LDLRAD4: variants seen among roughly 807,000 people sequenced by gnomAD.
The protein encoded by LDLRAD4 is low density lipoprotein receptor class A domain containing 4, also known as low-density lipoprotein receptor class A domain-containing protein 4.
A neutral mutation model predicts 17.0 loss-of-function variants in LDLRAD4; 5 were observed. The ratio of observed to expected loss-of-function variants is 0.29; its 90% CI spans 0.15 to 0.62. The LOEUF (loss-of-function observed/expected upper bound fraction) is 0.62, where lower values mean the gene tolerates loss of function less well. Among genes scored for constraint, LDLRAD4 ranks in the 20% least tolerant of loss-of-function variants. The pLI is 0.84. For missense variants in LDLRAD4, 340 were observed against 424.7 expected (o/e 0.80, Z 1.75); for synonymous variants, 168 against 171.8 (o/e 0.98, Z 0.17).
chr18:13,331,575 CTG>C (rs1158895067), intron 1 of LDLRAD4, among the ~76,000 whole-genome samples: 1 of 152,184 alleles, frequency 6.6e-6, no homozygotes, highest in Non-Finnish European at 1.5e-5. Flanking sequence ...AGTTTTGCAT[CTG>C]GTGTTTATTA....
At chr18:13,234,693 C>G (rs1404999773) in intron 1 of LDLRAD4, among the ~76,000 whole-genome samples, 2 of 152,176 alleles carry the variant, frequency 1.3e-5, no homozygotes, top group Non-Finnish European at 2.9e-5. Context: ...GTATGAGCAG[C>G]AGTGAGAGAG....
chr18:13,454,980 G>A (rs151126402), intron 3 of LDLRAD4, among the ~76,000 whole-genome samples: 3 of 152,382 alleles, frequency 2.0e-5, no homozygotes, highest in African/African-American at 7.2e-5. Flanking sequence ...CGCGTTTGTT[G>A]AGTGGATGAT....
intron 3 of LDLRAD4, chr18:13,612,928 A>G: frequency 1.3e-6 from 1 of 764,750 alleles, no homozygotes; most frequent in Non-Finnish European, 2.1e-6. Flanking sequence ...AACTCAGAAC[A>G]TTTCCGGGTG....
intron 1 of LDLRAD4, among the ~76,000 whole-genome samples, chr18:13,369,828 G>A (rs570215114): frequency 2.6e-5 from 4 of 152,232 alleles, no homozygotes; most frequent in African/African-American, 9.6e-5. Flanking sequence ...GTGGGCTTAC[G>A]CACACAGATA....
At chr18:13,452,879 G>A (rs1336848151) in intron 3 of LDLRAD4, among the ~76,000 whole-genome samples, 1 of 152,156 alleles carries the variant, frequency 6.6e-6, no homozygotes, top group Non-Finnish European at 1.5e-5. Flanking sequence ...CAGCCTGAGG[G>A]GTGACCCCCA....
chr18:13,614,890 TGAG>T (rs956426506), intron 3 of LDLRAD4: 7 of 152,286 alleles, frequency 4.6e-5, no homozygotes, highest in African/African-American at 1.7e-4. Flanking sequence ...CCGTCTCTGC[TGAG>T]GAGGACAGAG....
intron 2 of LDLRAD4, among the ~76,000 whole-genome samples, chr18:13,413,913 A>AT (rs1344542039): frequency 4.0e-5 from 6 of 150,500 alleles, no homozygotes; most frequent in African/African-American, 1.2e-4. Context: ...AAAAAAAAAA[A>AT]TTTTTTTTTA....
chr18:13,641,824 T>G (rs1366959223), intron 4 of LDLRAD4: 18 of 985,420 alleles, frequency 1.8e-5, no homozygotes, highest in Non-Finnish European at 2.2e-5. Context: ...GGTTTGCTGG[T>G]TTTTCGGGAA....
intron 1 of LDLRAD4, among the ~76,000 whole-genome samples, chr18:13,253,088 G>C (rs1248034307): frequency 6.6e-6 from 1 of 152,218 alleles, no homozygotes; most frequent in East Asian, 1.9e-4. Flanking sequence ...GTGATATTCT[G>C]CAGATACAAA....
chr18:13,620,880 T>C, intron 3 of LDLRAD4: 1 of 580,908 alleles, frequency 1.7e-6, no homozygotes, highest in Non-Finnish European at 3.1e-6. Context: ...CAGCTCCCTG[T>C]GGTGGGGGAT....
In LDLRAD4 at chr18:13,528,294, CA is replaced by C. The variant is rs549933927; in HGVS notation, c.181+89911del. 1.1e-4 allele frequency among the ~76,000 whole-genome samples: 17 copies of C among 152,358 alleles called. No homozygotes were observed. The South Asian group carries it at 3.5e-3, about 32-fold the overall frequency. On this transcript the variant is annotated intron_variant, in intron 3 of 5. Transcript: ENST00000359446. ...ACCTGCGTTACCCTGTTAGTCCTCA[CA>C]GCAGAATTGAGCACCATTATTACTA...
chr18:13,482,389 G>A (rs1402710416), intron 3 of LDLRAD4, among the ~76,000 whole-genome samples: 2 of 152,306 alleles, frequency 1.3e-5, no homozygotes, highest in South Asian at 2.1e-4. Context: ...AAACCCCACC[G>A]TCCCACCTTC....
chr18:13,643,389 G>C, exon 5 of LDLRAD4: 1 of 1,294,710 alleles, frequency 7.7e-7, no homozygotes, highest in Admixed American at 3.2e-5. Flanking sequence ...AGACAGCGCC[G>C]CACCGCGGCT....
intron 3 of LDLRAD4, among the ~76,000 whole-genome samples, chr18:13,583,972 G>T (rs751288627): frequency 1.3e-5 from 2 of 152,046 alleles, no homozygotes; most frequent in Non-Finnish European, 2.9e-5. Flanking sequence ...TCCCATCTCC[G>T]CAGCCTCAGC....
chr18:13,346,706 G>A (rs2082712427), intron 1 of LDLRAD4, among the ~76,000 whole-genome samples: 2 of 152,172 alleles, frequency 1.3e-5, no homozygotes, highest in Non-Finnish European at 2.9e-5. Context: ...TATTGTGTGG[G>A]AGTCTAAGTC....
At chr18:13,347,432 G>A (rs111332931) in intron 1 of LDLRAD4, among the ~76,000 whole-genome samples, 7 of 152,188 alleles carry the variant, frequency 4.6e-5, no homozygotes. Flanking sequence ...AGTTTCTGCC[G>A]AGAGATCAGC....
At position 13,641,405 on chromosome 18, in the gene LDLRAD4, G is replaced by A. The variant is rs181446144; in HGVS notation, c.337-1954G>A. 4.0e-3 allele frequency among the ~76,000 whole-genome samples: 617 copies of A among 152,356 alleles called. 3 individuals carry two copies. The highest frequency in any genetic ancestry group is 4.6e-3 in the Non-Finnish European group (315 of 68,026). On this transcript the variant is annotated intron_variant, in intron 4 of 5. Coordinates refer to ENST00000359446, the Ensembl canonical transcript of LDLRAD4. The stretch of plus-strand genomic sequence containing the variant: ...CAAATGGATAGAGATAGATTAGAAG[G>A]ATAGATGGATAGATTAGATGGATGA...
chr18:13,400,772 C>T (rs563152349), intron 2 of LDLRAD4, among the ~76,000 whole-genome samples: 2 of 152,076 alleles, frequency 1.3e-5, no homozygotes, highest in Non-Finnish European at 2.9e-5. Context: ...GAGGAAAGGA[C>T]GTGGTTCACT....
intron 3 of LDLRAD4, among the ~76,000 whole-genome samples, chr18:13,576,437 A>AAAAAGAAAG (rs1555750703): frequency 2.4e-5 from 2 of 83,598 alleles, no homozygotes; most frequent in African/African-American, 6.1e-5. Flanking sequence ...AAAAAAAAAA[A>AAAAAGAAAG]AAAGAAAGAA....
Sources: gnomAD v4.1 joint callset for allele counts (sites outside exome capture counted in the v4.1 genomes callset) on GRCh38, gnomAD v4.1.1 for gene constraint, MANE v1.5 for transcripts, NCBI Gene and HGNC (gene_info 2026-07-23, HGNC 2026-07-21) for gene names.